The following SIPA1L3 variants were observed in gnomAD, a reference collection of about 807,000 sequenced individuals.
SIPA1L3 encodes signal induced proliferation associated 1 like 3.
SIPA1L3 carries 59 observed loss-of-function variants against 150.1 expected under a neutral mutation model. That is an observed-to-expected ratio of 0.39 (90% confidence interval 0.32 to 0.49). The LOEUF is 0.49. Among genes scored for constraint, SIPA1L3 ranks in the 20% least tolerant of loss-of-function variants. The pLI is 0.86. For synonymous variants in SIPA1L3, 1,070 were observed against 1,077.6 expected, an observed-to-expected ratio of 0.99 and a Z score of 0.14; for missense variants, 2,211 against 2,489.5, an observed-to-expected ratio of 0.89 and a Z score of 2.38.
At chr19:38,124,549 C>T (rs1389293681) in intron 9 of SIPA1L3, among the ~76,000 whole-genome samples, 1 of 151,286 alleles carries the variant, frequency 6.6e-6, no homozygotes, top group Non-Finnish European at 1.5e-5. Context: ...CTCCTCACGT[C>T]CCAGACGATG....
At chr19:38,112,244 TCA>T (rs757648482) in intron 8 of SIPA1L3, among the ~76,000 whole-genome samples, 1 of 146,766 alleles carries the variant, frequency 6.8e-6, no homozygotes, top group East Asian at 2.1e-4. Context: ...ACACCTGCAC[TCA>T]CACAGGCACA....
chr19:38,001,076 C>CAT (rs1007713520), intron 1 of SIPA1L3, among the ~76,000 whole-genome samples: 33 of 150,248 alleles, frequency 2.2e-4, no homozygotes, highest in Middle Eastern at 3.5e-3. Flanking sequence ...ATATATATCA[C>CAT]ATATATATAT....
intron 2 of SIPA1L3, among the ~76,000 whole-genome samples, chr19:38,059,826 GAGTGCAGT>G (rs1235642195): frequency 6.6e-6 from 1 of 151,898 alleles, no homozygotes; most frequent in African/African-American, 2.4e-5. Context: ...ACCCAGGCTG[GAGTGCAGT>G]AGTGCAATCT....
chr19:38,162,516 C>G, intron 14 of SIPA1L3, 145 bp downstream of exon 14: 1 of 659,306 alleles, frequency 1.5e-6, no homozygotes. Flanking sequence ...TTGGAACCAA[C>G]CAGGTTCACA....
At chr19:38,045,377 CAA>C (rs139129515) in intron 2 of SIPA1L3, among the ~76,000 whole-genome samples, 185 of 122,348 alleles carry the variant, frequency 1.5e-3, no homozygotes, top group Non-Finnish European at 2.2e-3. Context: ...GACTCTGTCT[CAA>C]AAAAAAAAAA....
chr19:38,017,355 G>A (rs973796097), intron 1 of SIPA1L3, among the ~76,000 whole-genome samples: 2 of 152,112 alleles, frequency 1.3e-5, no homozygotes, highest in Admixed American at 6.6e-5. Flanking sequence ...AAACCGATGA[G>A]ACCCTCTGAA....
rs555839535 is a variant in SIPA1L3, at chr19:38,083,105, G to T, written c.1534+6G>T. ...GGATTACTTCGTGGGCAAAGGTGAC[G>T]GATGGCGTGTGGGTGGGAAGGTTGG... is the stretch of plus-strand genomic sequence containing the variant. On this transcript the variant is annotated splice_donor_region_variant and intron_variant, in intron 3 of 21. Coordinates refer to ENST00000222345, the MANE Select transcript of SIPA1L3 (RefSeq NM_015073.3). 5.6e-6 allele frequency: 9 copies of T among 1,603,458 alleles called. No individual in the cohort carries two copies. In the East Asian group the frequency reaches 1.1e-4, roughly 20 times the overall value.
chr19:38,127,806 G>A (rs79084773), intron 9 of SIPA1L3, among the ~76,000 whole-genome samples: 196 of 152,246 alleles, frequency 1.3e-3, no homozygotes, highest in African/African-American at 4.5e-3. Context: ...ACTGCACTCA[G>A]CCCGAGTTGC....
intron 15 of SIPA1L3, among the ~76,000 whole-genome samples, chr19:38,170,564 T>C (rs1486214956): frequency 2.0e-5 from 3 of 152,130 alleles, no homozygotes; most frequent in African/African-American, 4.8e-5. Context: ...AACTTGGTAT[T>C]TATTCACACA....
intron 2 of SIPA1L3, among the ~76,000 whole-genome samples, chr19:38,056,179 C>T (rs759063851): frequency 5.9e-5 from 9 of 152,218 alleles, no homozygotes; most frequent in Non-Finnish European, 1.0e-4. Flanking sequence ...AGATCTTCCC[C>T]AGTCGGTCCC....
chr19:37,960,010 A>G (rs1365552686), intron 1 of SIPA1L3, among the ~76,000 whole-genome samples: 1 of 151,922 alleles, frequency 6.6e-6, no homozygotes, highest in Non-Finnish European at 1.5e-5. Flanking sequence ...ATGGTTTTAT[A>G]ATTATTTTAT....
At chr19:38,059,025 C>CAAA (rs74176410) in intron 2 of SIPA1L3, among the ~76,000 whole-genome samples, 3 of 90,844 alleles carry the variant, frequency 3.3e-5, no homozygotes, top group African/African-American at 4.0e-5. Context: ...AACTCTGTCT[C>CAAA]AAAAAAAAAA....
chr19:37,967,292 G>A (rs1725488), intron 1 of SIPA1L3, among the ~76,000 whole-genome samples: 40,713 of 148,090 alleles, frequency 0.27, 6,674 homozygotes, highest in East Asian at 0.62. Flanking sequence ...TTGCTCTGTC[G>A]CCCAGGCTGG....
At chr19:38,135,627 C>G (rs1190365105) in intron 10 of SIPA1L3, among the ~76,000 whole-genome samples, 1 of 152,080 alleles carries the variant, frequency 6.6e-6, no homozygotes, top group African/African-American at 2.4e-5. Context: ...GGAGACAGGG[C>G]CAGGGAGAGT....
chr19:38,003,239 C>T (rs1967853390), intron 1 of SIPA1L3, among the ~76,000 whole-genome samples: 3 of 152,186 alleles, frequency 2.0e-5, no homozygotes, highest in African/African-American at 7.2e-5. Context: ...GCAAGGCAGG[C>T]ACAGCTCCTC....
intron 20 of SIPA1L3, among the ~76,000 whole-genome samples, chr19:38,203,255 C>A (rs1488654396): frequency 2.0e-5 from 3 of 152,198 alleles, no homozygotes; most frequent in Non-Finnish European, 4.4e-5. Flanking sequence ...AGCAGCGGGA[C>A]CTGTGGCCCC....
At chr19:37,966,082 CCT>C (rs1249998629) in intron 1 of SIPA1L3, among the ~76,000 whole-genome samples, 1 of 152,246 alleles carries the variant, frequency 6.6e-6, no homozygotes, top group Non-Finnish European at 1.5e-5. Flanking sequence ...ACAGAATCCC[CCT>C]GTTCCCCTGC....
chr19:38,134,284 C>T (rs1430993445), intron 10 of SIPA1L3, among the ~76,000 whole-genome samples: 1 of 150,234 alleles, frequency 6.7e-6, no homozygotes. Context: ...GCACCCAGCC[C>T]AAATTTTTAA....
At chr19:38,156,108 G>A (rs1315179746) in intron 13 of SIPA1L3, among the ~76,000 whole-genome samples, 1 of 151,964 alleles carries the variant, frequency 6.6e-6, no homozygotes, top group Non-Finnish European at 1.5e-5. Context: ...AGAGACAGTG[G>A]TTGGGCTTCA....
Sources: allele counts gnomAD v4.1 joint callset (sites outside exome capture counted in the v4.1 genomes callset), GRCh38; gene constraint gnomAD v4.1.1; transcripts MANE v1.5; gene names NCBI Gene and HGNC (gene_info 2026-07-23, HGNC 2026-07-21).